Variants in MGST1 observed in about 807,000 individuals in gnomAD.
MGST1 encodes microsomal glutathione S-transferase 1.
Under a neutral mutation model 8.9 loss-of-function variants are expected in MGST1, and 5 were observed. The observed-to-expected ratio is 0.56, with a 90% CI of 0.29 to 1.19. The LOEUF (loss-of-function observed/expected upper bound fraction) is 1.19. Ranked by LOEUF, MGST1 falls within the 50% of genes most tolerant of loss-of-function variation. MGST1 has a pLI of 0.08. For synonymous variants in MGST1, 54 were observed against 67.8 expected (o/e 0.80, Z 1.00); for missense variants, 182 against 187.4 (o/e 0.97, Z 0.17).
chr12:16,357,304 G>C (rs927563267), intron 2 of MGST1, among the ~76,000 whole-genome samples: 3 of 152,036 alleles, frequency 2.0e-5, no homozygotes, highest in African/African-American at 7.2e-5. Context: ...CTGTCACCCA[G>C]ACTAGATTGT....
rs1943273485 is a variant in MGST1, at chr12:16,584,996, T to C, written n.483-4532T>C. On this transcript the variant is annotated intron_variant and non_coding_transcript_variant, in intron 4 of 4. Transcript: ENST00000538857. The surrounding 1 kb of genome is among the most constrained non-coding windows in gnomAD (Gnocchi z 5.2). The stretch of plus-strand genomic sequence containing the variant: ...TACATACTAGTAGCTGTGTGCCACA[T>C]TAGAGTTAGTTGCCAATGTCTTATA... Among the ~76,000 whole-genome samples the C allele has an allele frequency of 6.6e-6, 1 of 152,188 alleles. No individual in the cohort carries two copies. Among genetic ancestry groups the C allele is most frequent in the African/African-American group, 2.4e-5 (1 of 41,444 alleles).
At position 16,410,465 on chromosome 12, in the gene MGST1, GTT is replaced by G. The variant is rs1940732939; in HGVS notation, n.778+26862_778+26863del. Among the ~76,000 whole-genome samples the G allele has an allele frequency of 6.6e-6, 1 of 151,702 alleles. No homozygotes were observed. The highest frequency in any genetic ancestry group is 1.5e-5 in the Non-Finnish European group (1 of 67,962). The stretch of plus-strand genomic sequence containing the variant: ...TAAATCTGCAAATATGATGCACTCA[GTT>G]CTATAGACGCTAGTCAGATTTGTAA... On this transcript the variant is annotated intron_variant and non_coding_transcript_variant, in intron 1 of 1. Coordinates refer to the MGST1 transcript ENST00000359720. This position sits in a 1 kb window ranked among gnomAD's most constrained non-coding sequence, Gnocchi z 4.4.
chr12:16,551,080 C>T (rs777459955), intron 4 of MGST1: 51 of 571,540 alleles, frequency 8.9e-5, no homozygotes, highest in Non-Finnish European at 1.3e-4. Context: ...AGATGCAGTC[C>T]GCCTTTTATT....
chr12:16,499,373 T>G (rs1236351685), intron 4 of MGST1, among the ~76,000 whole-genome samples: 5 of 152,220 alleles, frequency 3.3e-5, no homozygotes, highest in Non-Finnish European at 7.3e-5. Context: ...TAGATAACTT[T>G]TGAGGTATCA....
intron 4 of MGST1, among the ~76,000 whole-genome samples, chr12:16,531,466 A>G (rs187239510): frequency 2.0e-5 from 3 of 152,190 alleles, no homozygotes; most frequent in Admixed American, 1.3e-4. Context: ...ATAGAGGTGC[A>G]AAGAAGAAGT....
Position 16,582,804 on chromosome 12 carries a change from T to C in MGST1, n.483-6724T>C, listed in dbSNP as rs1157025672. Among the ~76,000 whole-genome samples the C allele has an allele frequency of 1.3e-5, 2 of 152,112 alleles. No homozygotes were observed. On this transcript the variant is annotated intron_variant and non_coding_transcript_variant, in intron 4 of 4. Transcript: ENST00000538857. This position sits in a 1 kb window ranked among gnomAD's most constrained non-coding sequence, Gnocchi z 4.1. Reference sequence around the variant, plus strand: ...GGCCCATGCCTGTAATCCCAGCACTTTGGGAGGCCAAATTGAGTGGATCAC... The same window carrying C: ...GGCCCATGCCTGTAATCCCAGCACTCTGGGAGGCCAAATTGAGTGGATCAC...
intron 1 of MGST1, among the ~76,000 whole-genome samples, chr12:16,403,085 T>C (rs370232679): frequency 6.6e-6 from 1 of 152,060 alleles, no homozygotes; most frequent in Non-Finnish European, 1.5e-5. Flanking sequence ...CTTAATCATT[T>C]TTAGCCTTTC....
At chr12:16,404,339 T>G (rs141455704) in intron 1 of MGST1, among the ~76,000 whole-genome samples, 4 of 152,264 alleles carry the variant, frequency 2.6e-5, no homozygotes, top group Admixed American at 2.0e-4. Flanking sequence ...GTGTTAGATC[T>G]ATTTCTAATA....
chr12:16,399,077 A>C (rs10846358), intron 1 of MGST1, among the ~76,000 whole-genome samples: 46,450 of 152,052 alleles, frequency 0.31, 7,167 homozygotes, highest in South Asian at 0.35. Context: ...TTGCCATCTG[A>C]ATGGGGCCAT....
chr12:16,517,633 G>C lies in MGST1; in HGVS notation n.483-71895G>C, dbSNP rs916827952. Among the ~76,000 whole-genome samples, 16 of 152,178 alleles carry C rather than the reference G, an allele frequency of 1.1e-4. No individual in the cohort carries two copies. The highest frequency in any genetic ancestry group is 3.9e-4 in the African/African-American group (16 of 41,452). ...AGCACAAAATGAACCAAGACAGCAG[G>C]TAAGCAAATCATGGAACAATGGCCA... On this transcript the variant is annotated intron_variant and non_coding_transcript_variant, in intron 4 of 4. Coordinates refer to the MGST1 transcript ENST00000538857. The surrounding 1 kb of genome is among the most constrained non-coding windows in gnomAD (Gnocchi z 4.2).
intron 1 of MGST1, among the ~76,000 whole-genome samples, chr12:16,396,026 C>A (rs538607520): frequency 6.6e-6 from 1 of 152,134 alleles, no homozygotes; most frequent in South Asian, 2.1e-4. Context: ...AAGGAATCTC[C>A]ACACTGTTTT....
At chr12:16,436,141 C>T (rs765831953) in intron 1 of MGST1, among the ~76,000 whole-genome samples, 110 of 151,834 alleles carry the variant, frequency 7.2e-4, no homozygotes, top group Non-Finnish European at 2.9e-4. Context: ...AGGAAAAAGG[C>T]ATTTCTAATA....
chr12:16,507,291 G>A (rs1215207189), intron 4 of MGST1, among the ~76,000 whole-genome samples: 1 of 152,078 alleles, frequency 6.6e-6, no homozygotes, highest in African/African-American at 2.4e-5. Flanking sequence ...TGTATGTGGT[G>A]GGGTGGAGAA....
chr12:16,560,307 T>G lies in MGST1; in HGVS notation n.483-29221T>G. ...TAAAGTTTACAGAACAGAAAAACGC[T>G]GAGATTGATTGCTTTAAATGTATGA... On this transcript the variant is annotated intron_variant and non_coding_transcript_variant, in intron 4 of 4. Transcript: ENST00000538857. This position sits in a 1 kb window ranked among gnomAD's most constrained non-coding sequence, Gnocchi z 5.0. The G allele has an allele frequency of 3.2e-6, 4 of 1,261,446 alleles. No individual in the cohort carries two copies. Among genetic ancestry groups the G allele is most frequent in the Non-Finnish European group, 4.3e-6 (4 of 919,746 alleles). The allele number at this position is 1,261,446 out of a possible 1,614,324, so 78.1% of individuals were successfully genotyped here. A position where few individuals can be genotyped will look rare whatever the true frequency, so the allele number is the denominator to read the frequency against.
downstream of MGST1, chr12:16,377,303 C>T (rs1438945155): frequency 2.5e-5 from 3 of 120,618 alleles, no homozygotes; most frequent in Non-Finnish European, 5.1e-5. Context: ...CCCCTCCCCC[C>T]ACCCCGCAAC....
At chr12:16,569,908 T>C (rs1942755326) in intron 4 of MGST1, among the ~76,000 whole-genome samples, 1 of 152,138 alleles carries the variant, frequency 6.6e-6, no homozygotes, top group African/African-American at 2.4e-5. Flanking sequence ...AAATATTTTA[T>C]CTAATCACTA....
chr12:16,491,510 C>T (rs1056097800), intron 4 of MGST1, among the ~76,000 whole-genome samples: 2 of 152,246 alleles, frequency 1.3e-5, no homozygotes, highest in African/African-American at 4.8e-5. Context: ...TTATCTGGAC[C>T]TTGTTTCACC....
chr12:16,457,500 C>G (rs1005934426), intron 4 of MGST1, among the ~76,000 whole-genome samples: 4 of 151,892 alleles, frequency 2.6e-5, no homozygotes, highest in African/African-American at 9.7e-5. Context: ...TGACAGTTGA[C>G]TTCCGTGATA....
At chr12:16,464,452 T>C (rs935198969) in intron 4 of MGST1, among the ~76,000 whole-genome samples, 2 of 152,230 alleles carry the variant, frequency 1.3e-5, no homozygotes, top group East Asian at 1.9e-4. Flanking sequence ...AATAATATGA[T>C]TGAAAAATTT....
Sources: allele counts gnomAD v4.1 joint callset (sites outside exome capture counted in the v4.1 genomes callset), GRCh38; gene constraint gnomAD v4.1.1; non-coding constraint Gnocchi (gnomAD v3.1); transcripts MANE v1.5; gene names NCBI Gene and HGNC (gene_info 2026-07-23, HGNC 2026-07-21).